The following TBL1XR1 variants were observed in gnomAD, a reference collection of about 807,000 sequenced individuals.
The protein encoded by TBL1XR1 is TBL1X/Y related 1.
In TBL1XR1, 5 loss-of-function variants were observed where a neutral mutation model predicts 66.9. The ratio of observed to expected loss-of-function variants is 0.07; its 90% confidence interval spans 0.04 to 0.16. The LOEUF (loss-of-function observed/expected upper bound fraction) is 0.16. Ranked by LOEUF, TBL1XR1 falls within the 10% of genes least tolerant of loss-of-function variation. The probability of loss-of-function intolerance (pLI) is 1.00; values close to 1 mark genes in which losing one functional copy is unlikely to be tolerated. For missense variants in TBL1XR1, 238 were observed against 623.2 expected (o/e 0.38, Z 6.58); for synonymous variants, 210 against 206.0 (o/e 1.02, Z -0.17).
intron 1 of TBL1XR1, among the ~76,000 whole-genome samples, chr3:177,149,171 T>G (rs924039248): frequency 3.9e-5 from 6 of 152,204 alleles, no homozygotes; most frequent in African/African-American, 1.4e-4. Flanking sequence ...GTGATTGCAA[T>G]GCGGAGTACC....
At chr3:177,073,785 A>C (rs1720341928) in intron 2 of TBL1XR1, among the ~76,000 whole-genome samples, 1 of 152,182 alleles carries the variant, frequency 6.6e-6, no homozygotes, top group Non-Finnish European at 1.5e-5. Flanking sequence ...TGGAAGCTGC[A>C]GTAAAGGCGC....
chr3:177,131,509 T>G, intron 1 of TBL1XR1: 2 of 267,726 alleles, frequency 7.5e-6, no homozygotes, highest in Non-Finnish European at 9.8e-6. Flanking sequence ...ATTCTGAATA[T>G]CTTTTTTTTT....
intron 1 of TBL1XR1, among the ~76,000 whole-genome samples, chr3:177,150,132 T>C (rs577301015): frequency 2.6e-5 from 4 of 152,290 alleles, no homozygotes; most frequent in South Asian, 4.2e-4. Flanking sequence ...TCAAAAAGGG[T>C]TGTTTTCAGA....
At position 177,064,574 on chromosome 3, in the gene TBL1XR1, C is replaced by A. The variant is rs114577190; in HGVS notation, c.58+346G>T. Among the ~76,000 whole-genome samples, 539 of 152,268 alleles carry A rather than the reference C, an allele frequency of 3.5e-3. 1 individual carries two copies. Among genetic ancestry groups the A allele is most frequent in the African/African-American group, 0.012 (512 of 41,560 alleles). ...AAATACTAACTACAATTAGGACCAACAACATTTAATTGAGAATTCTGGATA... is the reference window on the plus strand; with the variant it reads ...AAATACTAACTACAATTAGGACCAAAAACATTTAATTGAGAATTCTGGATA... On this transcript the variant is annotated intron_variant, in intron 3 of 15. Coordinates refer to ENST00000457928, the MANE Select transcript of TBL1XR1 (RefSeq NM_024665.7).
At chr3:177,141,513 AT>A (rs1729629057) in intron 1 of TBL1XR1, among the ~76,000 whole-genome samples, 1 of 152,362 alleles carries the variant, frequency 6.6e-6, no homozygotes, top group African/African-American at 2.4e-5. Context: ...TTTTTCACAT[AT>A]TTTTATATGC....
chr3:177,041,878 C>T (rs1715635866), intron 10 of TBL1XR1, among the ~76,000 whole-genome samples: 1 of 152,136 alleles, frequency 6.6e-6, no homozygotes, highest in Non-Finnish European at 1.5e-5. Flanking sequence ...TCATTTCAGG[C>T]TGGGTGTCGA....
In TBL1XR1 at chr3:177,021,215, T is replaced by G. The variant is rs1712309062; in HGVS notation, c.*4283A>C. The G allele has an allele frequency of 6.6e-6, 1 of 152,308 alleles. No individual in the cohort carries two copies. The highest frequency in any genetic ancestry group is 2.4e-5 in the African/African-American group (1 of 41,356). The allele number at this position is 152,308 out of a possible 1,614,324, so 9.4% of individuals were successfully genotyped here. A position where few individuals can be genotyped will look rare whatever the true frequency, so the allele number is the denominator to read the frequency against. On this transcript the variant is annotated 3_prime_UTR_variant, in exon 16 of 16. Transcript: ENST00000457928. ...ATGTCAAAGTCAGGAAAGAAGAAAA[T>G]TTACTTCCGTATTCAAGGATTACAG...
intron 1 of TBL1XR1, among the ~76,000 whole-genome samples, chr3:177,138,411 A>G: frequency 6.6e-6 from 1 of 152,282 alleles, no homozygotes; most frequent in Middle Eastern, 3.4e-3. Context: ...CCTGGGCAAC[A>G]TGGTATGACT....
intron 1 of TBL1XR1, among the ~76,000 whole-genome samples, chr3:177,133,717 C>T (rs2108794455): frequency 6.6e-6 from 1 of 152,020 alleles, no homozygotes; most frequent in Non-Finnish European, 1.5e-5. Context: ...GCCTGGCCAA[C>T]ATGGTGAAAC....
chr3:177,198,918 T>C (rs1737264176), upstream of TBL1XR1, among the ~76,000 whole-genome samples: 1 of 150,796 alleles, frequency 6.6e-6, no homozygotes, highest in Non-Finnish European at 1.5e-5. Flanking sequence ...TACTCGTAAC[T>C]TGCACCAGTC....
intron 2 of TBL1XR1, among the ~76,000 whole-genome samples, chr3:177,066,520 A>T (rs1368508437): frequency 6.6e-6 from 1 of 152,208 alleles, no homozygotes; most frequent in Non-Finnish European, 1.5e-5. Context: ...GCAGGCAGAA[A>T]CTATATTCAG....
intron 10 of TBL1XR1, among the ~76,000 whole-genome samples, chr3:177,041,516 T>C (rs1715583463): frequency 6.6e-6 from 1 of 152,230 alleles, no homozygotes; most frequent in African/African-American, 2.4e-5. Context: ...TTCACTCAAA[T>C]GTTTGGCACA....
Position 177,081,303 on chromosome 3 carries a change from T to C in TBL1XR1, c.-45-16281A>G, listed in dbSNP as rs186576483. On this transcript the variant is annotated intron_variant, in intron 2 of 15. Transcript: ENST00000457928. ...CATTTACATGAAATTTATTTTTCAT[T>C]TTGATTCTGGTATTATGATGGCAAA... Among the ~76,000 whole-genome samples the C allele has an allele frequency of 1.1e-3, 172 of 152,358 alleles. 1 individual carries two copies. The highest frequency in any genetic ancestry group is 4.8e-3 in the Admixed American group (74 of 15,310).
At chr3:177,193,896 ATC>A (rs1365527202) in intron 1 of TBL1XR1, among the ~76,000 whole-genome samples, 4 of 152,294 alleles carry the variant, frequency 2.6e-5, no homozygotes, top group Admixed American at 6.5e-5. Context: ...ACTTCTTTGC[ATC>A]TCTGTTTCAT....
At chr3:177,150,523 A>G (rs568828943) in intron 1 of TBL1XR1, among the ~76,000 whole-genome samples, 22 of 152,370 alleles carry the variant, frequency 1.4e-4, no homozygotes, top group Non-Finnish European at 2.8e-4. Context: ...CAGCAACTAC[A>G]GACTGAGTTA....
chr3:177,021,159 T>C lies in TBL1XR1; in HGVS notation c.*4339A>G, dbSNP rs2108358643. 1 of 152,290 alleles carries C rather than the reference T, an allele frequency of 6.6e-6. No homozygotes were observed. The highest frequency in any genetic ancestry group is 2.1e-4 in the South Asian group (1 of 4,824). The allele number at this position is 152,290 out of a possible 1,614,324, so 9.4% of individuals were successfully genotyped here. The stretch of plus-strand genomic sequence containing the variant: ...CACAGAATTAGACCCAAAGGATTTG[T>C]AAAAACAAAAATGGAAACAGTATAG... On this transcript the variant is annotated 3_prime_UTR_variant, in exon 16 of 16. Transcript: ENST00000457928.
intron 2 of TBL1XR1, among the ~76,000 whole-genome samples, chr3:177,086,699 A>G (rs935864245): frequency 1.3e-5 from 2 of 152,086 alleles, no homozygotes; most frequent in African/African-American, 4.8e-5. Context: ...TTTAAGTAAG[A>G]TAACTACTCT....
intron 1 of TBL1XR1, among the ~76,000 whole-genome samples, chr3:177,148,652 T>C (rs572794157): frequency 4.7e-5 from 7 of 148,534 alleles, no homozygotes; most frequent in African/African-American, 1.7e-4. Flanking sequence ...GAGGGGGAGA[T>C]TGCAGTGAGC....
chr3:177,049,658 T>C (rs568201424), intron 7 of TBL1XR1, among the ~76,000 whole-genome samples: 5 of 152,362 alleles, frequency 3.3e-5, no homozygotes, highest in South Asian at 2.1e-4. Context: ...TTTGTTATTA[T>C]GGTAAGAATT....
Sources: allele counts gnomAD v4.1 joint callset (sites outside exome capture counted in the v4.1 genomes callset), GRCh38; gene constraint gnomAD v4.1.1; transcripts MANE v1.5; gene names NCBI Gene and HGNC (gene_info 2026-07-23, HGNC 2026-07-21).